The following CPAMD8 variants were observed in gnomAD, a reference collection of about 807,000 sequenced individuals.
CPAMD8 encodes C3 and PZP like alpha-2-macroglobulin domain containing 8.
CPAMD8 carries 146 observed loss-of-function variants against 224.7 expected under a neutral mutation model. The ratio of observed to expected loss-of-function variants is 0.65; its 90% CI spans 0.57 to 0.75. The LOEUF is 0.75. Ranked by LOEUF, CPAMD8 falls within the 30% of genes least tolerant of loss-of-function variation. The pLI is 0.00. For missense variants in CPAMD8, 2,301 were observed against 2,537.5 expected, an observed-to-expected ratio of 0.91 and a Z score of 2.00; for synonymous variants, 966 against 1,044.6, an observed-to-expected ratio of 0.92 and a Z score of 1.45.
Position 16,906,955 on chromosome 19 carries a change from G to C in CPAMD8, c.4024C>G (p.Arg1342Gly). ...LRKLRSLAIM[R>G]DGVTHWSLSN... ...GGGGAGGGCCAGGGACACCTACCTCGCATGATGGCCAGGCTACGGAGCTTG... is the reference window on the plus strand; with the variant it reads ...GGGGAGGGCCAGGGACACCTACCTCCCATGATGGCCAGGCTACGGAGCTTG... Residue 1342 changes from arginine to glycine, a missense_variant, in exon 30 of 42, where the codon CGA becomes GGA. Physicochemically the swap from Arg to Gly is moderately radical, Grantham distance 125. Transcript: ENST00000443236. 1 of 1,583,836 alleles carries C rather than the reference G, an allele frequency of 6.3e-7. No individual in the cohort carries two copies. Among genetic ancestry groups the C allele is most frequent in the South Asian group, 1.2e-5 (1 of 86,422 alleles).
In CPAMD8 at chr19:17,018,907, C is replaced by CA. The variant is rs769554399; in HGVS notation, c.267+1423dup. 5.1e-3 allele frequency among the ~76,000 whole-genome samples: 474 copies of CA among 93,586 alleles called. 8 individuals carry two copies. Among genetic ancestry groups the CA allele is most frequent in the South Asian group, 0.013 (35 of 2,656 alleles). The allele number at this position is 93,586 out of a possible 152,430, so 61.4% of individuals were successfully genotyped here. A position where few individuals can be genotyped will look rare whatever the true frequency, so the allele number is the denominator to read the frequency against. ...TGGGAGACAGAGTGAGACTTCATCT[C>CA]AAAAAAAAAAAAGAAAAAAAAAACC... On this transcript the variant is annotated intron_variant, in intron 3 of 41. Coordinates refer to ENST00000443236, the MANE Select transcript of CPAMD8 (RefSeq NM_015692.5).
At chr19:16,904,587 ACCCAGTGTGTAG>A in intron 30 of CPAMD8, 35 bp from the exon 31 acceptor site, 1 of 1,426,676 alleles carries the variant, frequency 7.0e-7, no homozygotes, top group African/African-American at 1.4e-5. Context: ...GCTATAACCC[ACCCAGTGTGTAG>A]CCTGGCATCC....
intron 23 of CPAMD8, among the ~76,000 whole-genome samples, chr19:16,938,001 G>T (rs1039383223): frequency 5.9e-5 from 9 of 152,172 alleles, no homozygotes; most frequent in Non-Finnish European, 1.0e-4. Flanking sequence ...TGGCCAGGCT[G>T]GTCTCAAACT....
chr19:16,975,513 C>G (rs2055232696), intron 16 of CPAMD8, among the ~76,000 whole-genome samples: 1 of 152,206 alleles, frequency 6.6e-6, no homozygotes, highest in African/African-American at 2.4e-5. Context: ...TCGAGACCAG[C>G]CTGGGCAACA....
At chr19:16,897,859 C>G in intron 38 of CPAMD8, 30 bp downstream of exon 38, 5 of 1,587,010 alleles carry the variant, frequency 3.2e-6, no homozygotes, top group Non-Finnish European at 4.3e-6. Flanking sequence ...GGGACCGGGC[C>G]GGGCCGGGGG....
chr19:16,904,282 C>T lies in CPAMD8; in HGVS notation c.4195G>A (p.Val1399Met). 3 of 1,613,526 alleles carry T rather than the reference C, an allele frequency of 1.9e-6. No individual in the cohort carries two copies. Among genetic ancestry groups the T allele is most frequent in the Non-Finnish European group, 2.5e-6 (3 of 1,179,992 alleles). ...LLGDVAAALP[V>M]VKWLSQQRNA... is the part of the protein sequence containing the mutation. ...CGCTGCTGGGACAGCCACTTCACCA[C>T]AGGCAGGGCGGCAGCCACGTCACCC... The change falls in exon 32 of 42, where the codon GTG becomes ATG. Residue 1399 changes from valine to methionine, a missense_variant. Transcript: ENST00000443236.
At chr19:16,973,681 C>T (rs1031216830) in intron 17 of CPAMD8, among the ~76,000 whole-genome samples, 1 of 151,876 alleles carries the variant, frequency 6.6e-6, no homozygotes, top group Non-Finnish European at 1.5e-5. Flanking sequence ...ATGAAAGGCA[C>T]CCTCCAATGG....
chr19:16,993,881 T>C (rs1214335620), intron 11 of CPAMD8, among the ~76,000 whole-genome samples: 1 of 152,096 alleles, frequency 6.6e-6, no homozygotes, highest in East Asian at 1.9e-4. Flanking sequence ...CTCACACCTA[T>C]AATCCCATGT....
chr19:16,942,522 T>C (rs957652223), intron 22 of CPAMD8, among the ~76,000 whole-genome samples: 15 of 152,200 alleles, frequency 9.9e-5, no homozygotes, highest in South Asian at 2.1e-4. Context: ...GGTATTTCTT[T>C]ATAGCAATGT....
In CPAMD8 at chr19:16,902,633, G is replaced by A; in HGVS notation, c.4685+16C>T. ...CCCTCCTGGGATGCCCACGCCAGCA[G>A]GGCAGGTGGCCTTACCTGGTGCACA... On this transcript the variant is annotated intron_variant, in intron 35 of 41. Coordinates refer to ENST00000443236, the MANE Select transcript of CPAMD8 (RefSeq NM_015692.5). 6.4e-7 allele frequency: 1 copy of A among 1,562,760 alleles called. No individual in the cohort carries two copies. Among genetic ancestry groups the A allele is most frequent in the Non-Finnish European group, 8.8e-7 (1 of 1,141,496 alleles).
intron 1 of CPAMD8, 152 bp from the exon 2 acceptor site, chr19:17,022,333 C>A (rs955981209): frequency 3.6e-6 from 3 of 824,428 alleles, no homozygotes; most frequent in South Asian, 1.8e-5. Context: ...TGTGCCCCCC[C>A]ATCAGTTCTT....
At chr19:16,893,391 G>A (rs1456395113) in intron 41 of CPAMD8, 52 bp from the exon 42 acceptor site, 9 of 1,287,838 alleles carry the variant, frequency 7.0e-6, no homozygotes, top group African/African-American at 1.5e-5. Flanking sequence ...TGGGCACGGG[G>A]CCTCGGGCTG....
Position 17,026,539 on chromosome 19 carries a change from G to C in CPAMD8, c.92+12C>G. The C allele has an allele frequency of 1.3e-6, 2 of 1,497,620 alleles. No individual in the cohort carries two copies. Among genetic ancestry groups the C allele is most frequent in the Non-Finnish European group, 1.8e-6 (2 of 1,132,890 alleles). The allele number at this position is 1,497,620 out of a possible 1,614,324, so 92.8% of individuals were successfully genotyped here. On this transcript the variant is annotated intron_variant, in intron 1 of 41. Transcript: ENST00000443236. The stretch of plus-strand genomic sequence containing the variant: ...AGGCGACCGACCTCCTCTGTCGCCG[G>C]AGGATACTCACGGGGCCTGAGGCTG...
At chr19:16,974,918 T>G (rs1315065132) in intron 17 of CPAMD8, among the ~76,000 whole-genome samples, 179 bp downstream of exon 17, 1 of 152,012 alleles carries the variant, frequency 6.6e-6, no homozygotes, top group Non-Finnish European at 1.5e-5. Flanking sequence ...GAGGCTGCAG[T>G]GAGCTATGAT....
intron 20 of CPAMD8, among the ~76,000 whole-genome samples, chr19:16,950,004 A>G (rs16981503): frequency 0.25 from 37,780 of 152,034 alleles, 4,886 homozygotes; most frequent in African/African-American, 0.3. Flanking sequence ...AGCTTGATAA[A>G]ATGATGAAGG....
rs796380619 is a variant in CPAMD8, at chr19:16,945,397, C to T, written c.2793+152G>A. ...CATGATCCTCTAACAAGGAAGTACC[C>T]GAAAGTCCAGGCACCTGAGCTCTCA... is the stretch of plus-strand genomic sequence containing the variant. On this transcript the variant is annotated intron_variant, in intron 22 of 41. Coordinates refer to ENST00000443236, the MANE Select transcript of CPAMD8 (RefSeq NM_015692.5). The T allele has an allele frequency of 1.9e-5, 19 of 980,832 alleles. No homozygotes were observed. In the African/African-American group the frequency reaches 2.8e-4, roughly 14 times the overall value. The allele number at this position is 980,832 out of a possible 1,614,324, so 60.8% of individuals were successfully genotyped here. A position where few individuals can be genotyped will look rare whatever the true frequency, so the allele number is the denominator to read the frequency against.
At chr19:16,976,496 CTT>C (rs2055277919) in intron 15 of CPAMD8, among the ~76,000 whole-genome samples, 2 of 151,962 alleles carry the variant, frequency 1.3e-5, no homozygotes, top group Admixed American at 6.6e-5. Context: ...AAAAAAGAAA[CTT>C]GGTTCAATCC....
Position 16,976,140 on chromosome 19 carries a change from C to T in CPAMD8, c.1770G>A (p.Thr590=), listed in dbSNP as rs112828413. Residue 590 remains threonine, a synonymous_variant, in exon 16 of 42, where the codon ACG becomes ACA. Transcript: ENST00000443236. The part of the protein sequence containing the change: ...ETFFENQVSV[T]YSANETQPGE... Reference sequence around the variant, plus strand: ...CAGGTTGGGTCTCATTTGCTGAATACGTCACTGAAACCTTGGCGCAAATGC... The same window carrying T: ...CAGGTTGGGTCTCATTTGCTGAATATGTCACTGAAACCTTGGCGCAAATGC... 2.4e-4 allele frequency: 392 copies of T among 1,609,998 alleles called. No individual in the cohort carries two copies. Among genetic ancestry groups the T allele is most frequent in the African/African-American group, 3.2e-4 (24 of 74,912 alleles).
intron 32 of CPAMD8, 102 bp from the exon 33 acceptor site, chr19:16,903,959 G>T: frequency 8.3e-7 from 1 of 1,209,670 alleles, no homozygotes; most frequent in Non-Finnish European, 1.2e-6. Context: ...GCACCAACGG[G>T]GCTGGAATAG....
Sources: allele counts gnomAD v4.1 joint callset (sites outside exome capture counted in the v4.1 genomes callset), GRCh38; gene constraint gnomAD v4.1.1; transcripts MANE v1.5; gene names NCBI Gene and HGNC (gene_info 2026-07-23, HGNC 2026-07-21).